The following IFT122 variants were observed in gnomAD, a reference collection of about 807,000 sequenced individuals.
IFT122 encodes the protein intraflagellar transport protein 122 homolog.
In IFT122, 118 loss-of-function variants were observed where a neutral mutation model predicts 161.6. The observed-to-expected ratio is 0.73, with a 90% CI of 0.63 to 0.85. The LOEUF is 0.85. Among genes scored for constraint, IFT122 ranks in the 40% least tolerant of loss-of-function variants. The pLI is 0.00. For synonymous variants in IFT122, 550 were observed against 602.4 expected (o/e 0.91, Z 1.27); for missense variants, 1,381 against 1,579.6 (o/e 0.87, Z 2.13).
rs2083388450 is a variant in IFT122, at chr3:129,515,565, C to T, written c.3231C>T (p.Cys1077=). 1 of 1,542,906 alleles carries T rather than the reference C, an allele frequency of 6.5e-7. No individual in the cohort carries two copies. The highest frequency in any genetic ancestry group is 8.9e-7 in the Non-Finnish European group (1 of 1,118,268). ...LNNLGNVCIN[C]RQPFIFSASS... ...ACCTGGGCAACGTCTGCATCAACTG[C>T]CGCCAGCCCTTCATCTTCTCCGCCT... Residue 1077 remains cysteine, a synonymous_variant, in exon 26 of 30, where the codon TGC becomes TGT. Transcript: ENST00000348417.
chr3:129,467,134 C>A, intron 8 of IFT122, 68 bp downstream of exon 8: 2 of 1,483,346 alleles, frequency 1.3e-6, no homozygotes, highest in Non-Finnish European at 1.9e-6. Context: ...CTTGCCAGGA[C>A]AGATGTTAAA....
chr3:129,500,142 A>G, intron 19 of IFT122, 74 bp downstream of exon 19: 1 of 1,517,728 alleles, frequency 6.6e-7, no homozygotes, highest in South Asian at 1.1e-5. Flanking sequence ...TGACAAGGGA[A>G]CCAATAGTGC....
chr3:129,497,918 T>C (rs1465006799), intron 18 of IFT122, among the ~76,000 whole-genome samples: 1 of 152,262 alleles, frequency 6.6e-6, no homozygotes, highest in Non-Finnish European at 1.5e-5. Flanking sequence ...ATAAATTGTA[T>C]GCTTTCTGGA....
At chr3:129,481,464 G>T in intron 13 of IFT122, 66 bp from the exon 14 acceptor site, 1 of 1,351,156 alleles carries the variant, frequency 7.4e-7, no homozygotes, top group Non-Finnish European at 1.1e-6. Flanking sequence ...GATTCCAACG[G>T]CCTGGCAGTG....
chr3:129,479,714 A>C, intron 12 of IFT122, 71 bp from the exon 13 acceptor site: 7 of 1,589,134 alleles, frequency 4.4e-6, no homozygotes, highest in Non-Finnish European at 6.0e-6. Flanking sequence ...AGGGACAGAA[A>C]GATCTCCTTG....
In IFT122 at chr3:129,516,098, G is replaced by GCA. The variant is rs63122960; in HGVS notation, c.3265+512_3265+513dup. ...CTGAACACACACACAGACTGCTCCTGCACACACACACACAGACTGCCCCTG... is the reference window on the plus strand; with the variant it reads ...CTGAACACACACACAGACTGCTCCTGCACACACACACACACAGACTGCCCCTG... On this transcript the variant is annotated intron_variant, in intron 26 of 29. Transcript: ENST00000348417. Among the ~76,000 whole-genome samples, 208 of 132,284 alleles carry GCA rather than the reference G, an allele frequency of 1.6e-3. 3 individuals are homozygous for GCA. The highest frequency in any genetic ancestry group is 5.8e-3 in the African/African-American group (198 of 34,176). 86.8% of individuals were successfully genotyped at this position (132,284 alleles called of 152,430 possible).
At chr3:129,451,121 CAG>C (rs1369607182) in intron 2 of IFT122, among the ~76,000 whole-genome samples, 1 of 152,060 alleles carries the variant, frequency 6.6e-6, no homozygotes, top group Non-Finnish European at 1.5e-5. Flanking sequence ...TTCTTAGAGA[CAG>C]GGTTGTGCTC....
At position 129,476,463 on chromosome 3, in the gene IFT122, C is replaced by T. The variant is rs267607192; in HGVS notation, c.965C>T (p.Ser322Phe). ...CTTGGGACTGTTGGGGAGCAGAACTCCTGGGTGTGGACGTGTCAAGCGAAA... is the reference window on the plus strand; with the variant it reads ...CTTGGGACTGTTGGGGAGCAGAACTTCTGGGTGTGGACGTGTCAAGCGAAA... Reference protein sequence around the residue: ...VRLGTVGEQNSWVWTCQAKPD... With the variant: ...VRLGTVGEQNFWVWTCQAKPD... The change falls in exon 10 of 30, where the codon TCC becomes TTC. Residue 322 changes from serine (S) to phenylalanine (F), a missense_variant. Transcript: ENST00000348417. 6.8e-6 allele frequency: 11 copies of T among 1,614,104 alleles called. No homozygotes were observed.
At chr3:129,478,424 T>C (rs1178530287) in intron 12 of IFT122, among the ~76,000 whole-genome samples, 1 of 149,126 alleles carries the variant, frequency 6.7e-6, no homozygotes, top group African/African-American at 2.5e-5. Flanking sequence ...AACTGGAGAA[T>C]GTTTTTTTGT....
intron 1 of IFT122, among the ~76,000 whole-genome samples, chr3:129,442,968 G>A (rs2073464909): frequency 6.6e-6 from 1 of 152,094 alleles, no homozygotes; most frequent in African/African-American, 2.4e-5. Context: ...ACAGCTCCAG[G>A]TTCATCTCAA....
chr3:129,444,850 T>C (rs937584886), intron 1 of IFT122, among the ~76,000 whole-genome samples: 3 of 152,232 alleles, frequency 2.0e-5, no homozygotes, highest in Non-Finnish European at 2.9e-5. Context: ...TTCTTAAATA[T>C]TGAATAACTG....
intron 16 of IFT122, among the ~76,000 whole-genome samples, chr3:129,491,299 GCCT>G (rs1171698223): frequency 5.3e-5 from 8 of 152,120 alleles, no homozygotes; most frequent in Admixed American, 3.3e-4. Context: ...TGGAGCTGCT[GCCT>G]CCTCTAGGCA....
Position 129,451,968 on chromosome 3 carries a change from ACTGTG to A in IFT122, c.164_168del (p.Thr55IlefsTer18). 6.2e-7 allele frequency: 1 copy of A among 1,613,980 alleles called. No individual in the cohort carries two copies. The highest frequency in any genetic ancestry group is 1.3e-5 in the African/African-American group (1 of 75,052). ...TCAGCCCCTCAAGGGACACAAAGAC[ACTGTG>A]TACTGTGTGGCATATGCGAAGGATG... On this transcript the variant is annotated frameshift_variant, in exon 3 of 30. Transcript: ENST00000348417. LOFTEE classifies it high-confidence loss of function.
chr3:129,483,535 C>G lies in IFT122; in HGVS notation c.1704C>G (p.Leu568=), dbSNP rs749189354. ...GGAACACCCAGTGTGAGGACATGCTCTGCTTCTCGGGAGGAGGCTACCTCA... is the reference window on the plus strand; with the variant it reads ...GGAACACCCAGTGTGAGGACATGCTGTGCTTCTCGGGAGGAGGCTACCTCA... ...VAWNTQCEDM[L]CFSGGGYLNI... is the part of the protein sequence containing the mutation. Residue 568 remains leucine, a synonymous_variant, in exon 15 of 30, where the codon CTC becomes CTG. Transcript: ENST00000348417. 9.9e-6 allele frequency: 16 copies of G among 1,614,002 alleles called. No homozygotes were observed. The African/African-American group carries it at 2.0e-4, about 20-fold the overall frequency.
At chr3:129,475,042 C>T (rs2077752775) in intron 9 of IFT122, among the ~76,000 whole-genome samples, 1 of 152,112 alleles carries the variant, frequency 6.6e-6, no homozygotes, top group Non-Finnish European at 1.5e-5. Context: ...CTAGTCCCAG[C>T]TACTGGGGGT....
chr3:129,485,984 G>A (rs1266489548), intron 15 of IFT122, among the ~76,000 whole-genome samples: 9 of 152,246 alleles, frequency 5.9e-5, no homozygotes, highest in African/African-American at 2.2e-4. Context: ...ACATTGTCTT[G>A]TGCAAGAACT....
At chr3:129,487,455 G>A (rs4640556) in intron 15 of IFT122, 52,071 of 153,252 alleles carry the variant, frequency 0.34, 13,496 homozygotes, top group African/African-American at 0.69. Flanking sequence ...GCACAGGACT[G>A]TGGGGACAGC....
chr3:129,514,653 T>C, intron 25 of IFT122, 99 bp downstream of exon 25: 3 of 1,362,824 alleles, frequency 2.2e-6, no homozygotes, highest in Non-Finnish European at 3.1e-6. Context: ...GAGAGACAGC[T>C]GCAGCTCCCT....
chr3:129,476,937 C>CTT, intron 11 of IFT122, 136 bp downstream of exon 11: 83 of 739,050 alleles, frequency 1.1e-4, no homozygotes, highest in Middle Eastern at 4.4e-4. Flanking sequence ...GGGTCTGTGT[C>CTT]TTGTTTTCTT....
Sources: gnomAD v4.1 joint callset for allele counts (sites outside exome capture counted in the v4.1 genomes callset) on GRCh38, gnomAD v4.1.1 for gene constraint, MANE v1.5 for transcripts, NCBI Gene and HGNC (gene_info 2026-07-23, HGNC 2026-07-21) for gene names.